The following FNDC3B variants were observed in gnomAD, a reference collection of about 807,000 sequenced individuals.
FNDC3B encodes the protein fibronectin type III domain containing 3B, also known as fibronectin type III domain-containing protein 3B.
Under a neutral mutation model 151.5 loss-of-function variants are expected in FNDC3B, and 12 were observed. That is an observed-to-expected ratio of 0.08 (90% CI 0.05 to 0.13). The LOEUF (loss-of-function observed/expected upper bound fraction) is 0.13, where lower values mean the gene tolerates loss of function less well. Among genes scored for constraint, FNDC3B ranks in the 10% least tolerant of loss-of-function variants. FNDC3B has a pLI of 1.00. For synonymous variants in FNDC3B, 528 were observed against 549.0 expected, an observed-to-expected ratio of 0.96 and a Z score of 0.54; for missense variants, 1,214 against 1,505.3, an observed-to-expected ratio of 0.81 and a Z score of 3.20.
At chr3:172,084,582 T>G (rs1034511448) in intron 1 of FNDC3B, among the ~76,000 whole-genome samples, 2 of 152,216 alleles carry the variant, frequency 1.3e-5, no homozygotes, top group African/African-American at 4.8e-5. Context: ...TTCACTTTTG[T>G]TCACTCAAAT....
At chr3:172,354,454 A>G (rs1241584933) in intron 22 of FNDC3B, among the ~76,000 whole-genome samples, 1 of 151,606 alleles carries the variant, frequency 6.6e-6, no homozygotes, top group Non-Finnish European at 1.5e-5. Flanking sequence ...GTATGCCCGT[A>G]TCAGTAAATG....
chr3:172,231,713 T>C (rs1230869109), intron 4 of FNDC3B, among the ~76,000 whole-genome samples: 1 of 152,134 alleles, frequency 6.6e-6, no homozygotes, highest in Non-Finnish European at 1.5e-5. Flanking sequence ...CTGATTACAC[T>C]GACCTCTTTC....
chr3:172,342,929 G>C, intron 17 of FNDC3B, 82 bp from the exon 18 acceptor site: 1 of 798,488 alleles, frequency 1.3e-6, no homozygotes, highest in Non-Finnish European at 2.2e-6. Context: ...TTGCAGTTAT[G>C]GGGTGGAATT....
intron 3 of FNDC3B, among the ~76,000 whole-genome samples, chr3:172,166,020 T>TTTTTTTTTTTTTTTTTGAGACG (rs1559997024): frequency 6.6e-6 from 1 of 152,208 alleles, no homozygotes; most frequent in African/African-American, 2.4e-5. Flanking sequence ...TAATCTTTTA[T>TTTTTTTTTTTTTTTTTGAGACG]GCATGAAGGG....
chr3:172,076,234 A>G (rs765449078), intron 1 of FNDC3B, among the ~76,000 whole-genome samples: 4 of 152,166 alleles, frequency 2.6e-5, no homozygotes, highest in Admixed American at 1.3e-4. Context: ...TATATTACAC[A>G]TTTATTCTAC....
intron 2 of FNDC3B, among the ~76,000 whole-genome samples, chr3:172,124,215 C>G (rs533887814): frequency 2.0e-5 from 3 of 152,146 alleles, no homozygotes; most frequent in African/African-American, 7.2e-5. Context: ...CTGAGCCTCC[C>G]AAGTAGCTGG....
chr3:172,181,395 CAA>C (rs755223783), intron 3 of FNDC3B, among the ~76,000 whole-genome samples: 1 of 71,530 alleles, frequency 1.4e-5, no homozygotes, highest in Non-Finnish European at 2.4e-5. Context: ...ACTCTGTCTC[CAA>C]AAAAAAAAAA....
At position 172,309,065 on chromosome 3, in the gene FNDC3B, C is replaced by T. The variant is rs551397849; in HGVS notation, c.1200+1564C>T. 4.6e-5 allele frequency among the ~76,000 whole-genome samples: 7 copies of T among 152,276 alleles called. No homozygotes were observed. The East Asian group carries it at 5.8e-4, about 13-fold the overall frequency. ...AAGAATTTTCTTATTAGGAGGAAAA[C>T]GTTTCACATTTTCTTTCTCCCTTTC... On this transcript the variant is annotated intron_variant, in intron 10 of 25. Transcript: ENST00000415807.
At chr3:172,156,134 T>G (rs1292279240) in intron 3 of FNDC3B, among the ~76,000 whole-genome samples, 1 of 152,220 alleles carries the variant, frequency 6.6e-6, no homozygotes, top group Non-Finnish European at 1.5e-5. Context: ...TTACAGATTT[T>G]CAGGAGACTC....
intron 6 of FNDC3B, among the ~76,000 whole-genome samples, chr3:172,257,737 A>AC (rs945850459): frequency 3.3e-5 from 5 of 152,174 alleles, no homozygotes; most frequent in Admixed American, 1.3e-4. Context: ...ATGGGCTCAG[A>AC]CCAGCAGTAT....
intron 1 of FNDC3B, among the ~76,000 whole-genome samples, chr3:172,080,672 C>T (rs1393005674): frequency 1.3e-5 from 2 of 152,070 alleles, no homozygotes; most frequent in African/African-American, 2.4e-5. Context: ...GCTCAGAGCT[C>T]ACCTGTAATC....
chr3:172,085,404 A>T (rs910611151), intron 1 of FNDC3B, among the ~76,000 whole-genome samples: 1 of 152,210 alleles, frequency 6.6e-6, no homozygotes, highest in Non-Finnish European at 1.5e-5. Flanking sequence ...TGAACTAAAT[A>T]GCAGCTCACT....
chr3:172,380,252 G>A (rs537753855), intron 24 of FNDC3B, among the ~76,000 whole-genome samples: 6 of 152,022 alleles, frequency 3.9e-5, no homozygotes, highest in Non-Finnish European at 7.4e-5. Flanking sequence ...GAATCAAGCT[G>A]TAGAGATAGA....
At chr3:172,387,459 AGGCT>A (rs1396370264) in intron 25 of FNDC3B, among the ~76,000 whole-genome samples, 1 of 152,190 alleles carries the variant, frequency 6.6e-6, no homozygotes, top group Non-Finnish European at 1.5e-5. Flanking sequence ...TTAAACAATG[AGGCT>A]ATGACTGTCT....
intron 3 of FNDC3B, among the ~76,000 whole-genome samples, chr3:172,173,160 A>G (rs1419764833): frequency 6.6e-6 from 1 of 152,204 alleles, no homozygotes; most frequent in African/African-American, 2.4e-5. Context: ...AAACGATGGC[A>G]GAATATGCTG....
At chr3:172,321,470 G>A (rs7628579) in intron 11 of FNDC3B, 20,128 of 153,102 alleles carry the variant, frequency 0.13, 1,649 homozygotes, top group South Asian at 0.28. Flanking sequence ...TGAAAGAAAA[G>A]GCATGTACTA....
intron 12 of FNDC3B, chr3:172,329,723 G>A (rs902556721): frequency 1.3e-5 from 2 of 152,058 alleles, no homozygotes; most frequent in South Asian, 2.1e-4. Flanking sequence ...TTTGCACATC[G>A]GTGGTCCCCA....
chr3:172,347,365 G>A lies in FNDC3B; in HGVS notation c.2514+4G>A, dbSNP rs1733664689. 4 of 1,609,354 alleles carry A rather than the reference G, an allele frequency of 2.5e-6. No homozygotes were observed. The highest frequency in any genetic ancestry group is 3.4e-6 in the Non-Finnish European group (4 of 1,177,588). On this transcript the variant is annotated splice_donor_region_variant and intron_variant, in intron 21 of 25. Coordinates refer to ENST00000415807, the MANE Select transcript of FNDC3B (RefSeq NM_022763.4). ...ACAGTATTGCTGTAGACTACAGGTA[G>A]GTTGACATTATTCAGATGTTACTCA...
At position 172,199,179 on chromosome 3, in the gene FNDC3B, ATTTTTTATTTTT is replaced by A. The variant is rs548546723; in HGVS notation, c.188-27685_188-27674del. Among the ~76,000 whole-genome samples, 874 of 138,792 alleles carry A rather than the reference ATTTTTTATTTTT, an allele frequency of 6.3e-3. 8 individuals carry two copies. The highest frequency in any genetic ancestry group is 9.6e-3 in the Non-Finnish European group (629 of 65,336). 91.1% of individuals were successfully genotyped at this position (138,792 alleles called of 152,430 possible). A position where few individuals can be genotyped will look rare whatever the true frequency, so the allele number is the denominator to read the frequency against. ...GAAGCTGTTTAGAATATTTTATTTT[ATTTTTTATTTTT>A]TTTTTTTTGAGACGGAGTCTCGCTG... On this transcript the variant is annotated intron_variant, in intron 3 of 25. Coordinates refer to ENST00000415807, the MANE Select transcript of FNDC3B (RefSeq NM_022763.4).
Sources: gnomAD v4.1 joint callset for allele counts (sites outside exome capture counted in the v4.1 genomes callset) on GRCh38, gnomAD v4.1.1 for gene constraint, MANE v1.5 for transcripts, NCBI Gene and HGNC (gene_info 2026-07-23, HGNC 2026-07-21) for gene names.